Variants in UBA3 observed in about 807,000 individuals in gnomAD.
The protein encoded by UBA3 is NEDD8-activating enzyme E1 catalytic subunit.
In UBA3, 26 loss-of-function variants were observed where a neutral mutation model predicts 73.5. The ratio of observed to expected loss-of-function variants is 0.35; its 90% CI spans 0.26 to 0.49. UBA3 has a LOEUF of 0.49. UBA3 is among the 20% of genes least tolerant of loss of function. The pLI, the probability that UBA3 is intolerant of heterozygous loss-of-function variation, is 0.98. For missense variants in UBA3, 495 were observed against 555.6 expected, an observed-to-expected ratio of 0.89 and a Z score of 1.10; for synonymous variants, 217 against 191.2, an observed-to-expected ratio of 1.13 and a Z score of -1.11.
At chr3:69,073,149 A>T (rs1187191626) in intron 4 of UBA3, among the ~76,000 whole-genome samples, 1 of 152,134 alleles carries the variant, frequency 6.6e-6, no homozygotes, top group African/African-American at 2.4e-5. Flanking sequence ...CATTGCATAA[A>T]TCTCTCCAAT....
At chr3:69,073,065 CT>C (rs1173960077) in intron 4 of UBA3, among the ~76,000 whole-genome samples, 4 of 152,182 alleles carry the variant, frequency 2.6e-5, no homozygotes, top group African/African-American at 9.7e-5. Flanking sequence ...TTTCTTCCCC[CT>C]CTCTGCTCTT....
In UBA3 at chr3:69,062,058, A is replaced by T; in HGVS notation, c.796+19T>A. On this transcript the variant is annotated intron_variant, in intron 10 of 17. Coordinates refer to ENST00000361055, the MANE Select transcript of UBA3 (RefSeq NM_003968.4). ...TATGTATTTTATGTAATTCTAGATT[A>T]TTAAATTAGGTTTATTACCTCCAAA... 6.6e-7 allele frequency: 1 copy of T among 1,525,598 alleles called. No individual in the cohort carries two copies. The highest frequency in any genetic ancestry group is 2.3e-5 in the East Asian group (1 of 44,292). 94.5% of individuals were successfully genotyped at this position (1,525,598 alleles called of 1,614,324 possible).
intron 5 of UBA3, among the ~76,000 whole-genome samples, chr3:69,068,563 A>G (rs964502770): frequency 1.8e-4 from 26 of 146,702 alleles, no homozygotes; most frequent in Non-Finnish European, 3.0e-4. Flanking sequence ...AAAAAAAAAG[A>G]GGCTGTAACC....
intron 11 of UBA3, among the ~76,000 whole-genome samples, chr3:69,058,366 A>G (rs924591792): frequency 1.3e-5 from 2 of 152,236 alleles, no homozygotes; most frequent in African/African-American, 4.8e-5. Context: ...TTTATCTCAC[A>G]GTGTGAGGAA....
chr3:69,063,164 A>ATTTT (rs2092037917), intron 8 of UBA3, 27 bp from the exon 9 acceptor site: 2 of 1,612,070 alleles, frequency 1.2e-6, no homozygotes, highest in Non-Finnish European at 1.7e-6. Context: ...AAGGGCTTTA[A>ATTTT]AGGAGAAGGG....
At chr3:69,072,693 C>A (rs921009933) in intron 4 of UBA3, among the ~76,000 whole-genome samples, 1 of 152,210 alleles carries the variant, frequency 6.6e-6, no homozygotes. Context: ...CTCAGACCAT[C>A]TTGTAAGATA....
intron 2 of UBA3, 23 bp downstream of exon 2, chr3:69,080,089 C>A: frequency 6.2e-7 from 1 of 1,606,430 alleles, no homozygotes; most frequent in African/African-American, 1.3e-5. Context: ...CGGAGAGGGC[C>A]CCGGCCTCCC....
Position 69,077,827 on chromosome 3 carries a change from T to C in UBA3, c.154A>G (p.Thr52Ala). ...GTGCTCGGTTCGAAATCAGGGTGTG[T>C]GAAGGGTCCAGATCGCTCGAGGAAC... The part of the protein sequence containing the change: ...KKFLERSGPF[T>A]HPDFEPSTES... The change falls in exon 3 of 18, where the codon ACA (threonine) becomes GCA (alanine). Residue 52 changes from threonine to alanine, a missense_variant. Transcript: ENST00000361055. 6.2e-7 allele frequency: 1 copy of C among 1,613,834 alleles called. No homozygotes were observed. The highest frequency in any genetic ancestry group is 8.5e-7 in the Non-Finnish European group (1 of 1,179,836).
chr3:69,069,644 A>G (rs1033913163), intron 5 of UBA3, among the ~76,000 whole-genome samples: 5 of 152,100 alleles, frequency 3.3e-5, no homozygotes, highest in African/African-American at 4.8e-5. Flanking sequence ...TTTCTCTCCA[A>G]TAAAGCACTG....
chr3:69,071,446 C>A (rs1181427696), intron 5 of UBA3, 89 bp downstream of exon 5: 1 of 696,476 alleles, frequency 1.4e-6, no homozygotes, highest in South Asian at 2.0e-5. Flanking sequence ...CCTCTCAAGT[C>A]ATTTTTAAAA....
intron 4 of UBA3, among the ~76,000 whole-genome samples, chr3:69,072,806 T>C (rs35718539): frequency 0.23 from 35,143 of 152,046 alleles, 4,164 homozygotes; most frequent in East Asian, 0.38. Flanking sequence ...TCTTCCTCAT[T>C]GCAGTAACTT....
At position 69,056,804 on chromosome 3, in the gene UBA3, T is replaced by C. The variant is rs758298206; in HGVS notation, c.976A>G (p.Thr326Ala). 1.9e-6 allele frequency: 3 copies of C among 1,612,892 alleles called. No individual in the cohort carries two copies. The highest frequency in any genetic ancestry group is 2.5e-6 in the Non-Finnish European group (3 of 1,179,556). Residue 326 changes from threonine (T) to alanine (A), a missense_variant, in exon 13 of 18, where the codon ACT becomes GCT. Transcript: ENST00000361055. Reference protein sequence around the residue: ...TNAVIAAVCATEVFKIATSAY... With the variant: ...TNAVIAAVCAAEVFKIATSAY... ...CTTGTGGCTATTTTAAAAACCTCAG[T>C]GGCACACACAGCTGAAGGGAGGAGA...
intron 11 of UBA3, among the ~76,000 whole-genome samples, chr3:69,060,978 A>G (rs186766121): frequency 6.6e-6 from 1 of 152,336 alleles, no homozygotes; most frequent in East Asian, 1.9e-4. Flanking sequence ...CCATGAGCCA[A>G]ATAAACCTCT....
intron 4 of UBA3, among the ~76,000 whole-genome samples, chr3:69,072,672 GT>G: frequency 6.6e-6 from 1 of 152,260 alleles, no homozygotes; most frequent in East Asian, 1.9e-4. Context: ...CTTGTGCTTT[GT>G]TCTGGTGATC....
Position 69,080,168 on chromosome 3 carries a change from A to C in UBA3, c.21-15T>G. ...TTTTCTTCTCCCTAAAAGAGAGAATAAAAGAAGGGTCAGCATCGCGCTACA... is the reference window on the plus strand; with the variant it reads ...TTTTCTTCTCCCTAAAAGAGAGAATCAAAGAAGGGTCAGCATCGCGCTACA... On this transcript the variant is annotated splice_polypyrimidine_tract_variant and intron_variant, in intron 1 of 17. Transcript: ENST00000361055. 1.2e-6 allele frequency: 2 copies of C among 1,608,690 alleles called. No homozygotes were observed. Among genetic ancestry groups the C allele is most frequent in the Non-Finnish European group, 1.7e-6 (2 of 1,178,676 alleles).
At chr3:69,078,968 T>G (rs2092194552) in intron 2 of UBA3, among the ~76,000 whole-genome samples, 1 of 152,248 alleles carries the variant, frequency 6.6e-6, no homozygotes, top group Non-Finnish European at 1.5e-5. Context: ...TGGTTGTGAT[T>G]ATTTTTAATT....
At chr3:69,070,670 T>G (rs1365417725) in intron 5 of UBA3, among the ~76,000 whole-genome samples, 1 of 152,194 alleles carries the variant, frequency 6.6e-6, no homozygotes, top group African/African-American at 2.4e-5. Context: ...TTTTTGTTTT[T>G]GAGACAGGGT....
chr3:69,055,778 C>T, intron 17 of UBA3, 73 bp downstream of exon 17: 1 of 1,425,070 alleles, frequency 7.0e-7, no homozygotes, highest in East Asian at 2.3e-5. Flanking sequence ...AAATCTAGAA[C>T]AAGCACTGAT....
intron 3 of UBA3, chr3:69,076,540 C>G (rs1241781541): frequency 6.6e-6 from 1 of 152,052 alleles, no homozygotes; most frequent in Non-Finnish European, 1.5e-5. Flanking sequence ...CCATCTGCGG[C>G]AGATGGAAGG....
Sources: allele counts gnomAD v4.1 joint callset (sites outside exome capture counted in the v4.1 genomes callset), GRCh38; gene constraint gnomAD v4.1.1; transcripts MANE v1.5; gene names NCBI Gene and HGNC (gene_info 2026-07-23, HGNC 2026-07-21).